Variants in HKDC1 observed in about 807,000 individuals in gnomAD.
HKDC1 encodes the protein hexokinase domain containing 1, also known as hexokinase HKDC1.
In HKDC1, 66 loss-of-function variants were observed where a neutral mutation model predicts 96.6. The ratio of observed to expected loss-of-function variants is 0.68; its 90% CI spans 0.56 to 0.84. HKDC1 has a LOEUF of 0.84. Ranked by LOEUF, HKDC1 falls within the 40% of genes least tolerant of loss-of-function variation. HKDC1 has a pLI of 0.00. For missense variants in HKDC1, 1,211 were observed against 1,208.1 expected, an observed-to-expected ratio of 1.00 and a Z score of -0.04; for synonymous variants, 466 against 473.1, an observed-to-expected ratio of 0.98 and a Z score of 0.20.
In HKDC1 at chr10:69,251,763, CT is replaced by C. The variant is rs60120681; in HGVS notation, c.1836+1125del. On this transcript the variant is annotated intron_variant, in intron 12 of 17. Transcript: ENST00000354624. ...ATTATAAATGGAATTGTTTTCTTTT[CT>C]TTTTTTTTTTTTTGAGACAGAGTCT... Among the ~76,000 whole-genome samples, 468 of 140,746 alleles carry C rather than the reference CT, an allele frequency of 3.3e-3. 2 individuals carry two copies. The highest frequency in any genetic ancestry group is 7.8e-3 in the African/African-American group (301 of 38,520). 92.3% of individuals were successfully genotyped at this position (140,746 alleles called of 152,430 possible). A position where few individuals can be genotyped will look rare whatever the true frequency, so the allele number is the denominator to read the frequency against.
chr10:69,236,735 G>A (rs1843367416), intron 4 of HKDC1, among the ~76,000 whole-genome samples: 1 of 151,440 alleles, frequency 6.6e-6, no homozygotes, highest in Non-Finnish European at 1.5e-5. Flanking sequence ...AGCTGAGATG[G>A]CGCCACTGCA....
At chr10:69,264,197 CTGTGTGTGTGTG>C (rs34401681) in intron 16 of HKDC1, among the ~76,000 whole-genome samples, 2,948 of 139,514 alleles carry the variant, frequency 0.021, 80 homozygotes, top group Middle Eastern at 0.047. Flanking sequence ...AGATTTCCTT[CTGTGTGTGTGTG>C]TGTGTGTGTG....
chr10:69,251,205 C>T (rs1843638904), intron 12 of HKDC1, among the ~76,000 whole-genome samples: 1 of 150,816 alleles, frequency 6.6e-6, no homozygotes, highest in Non-Finnish European at 1.5e-5. Context: ...AGCAATTCTC[C>T]TGCCTCAGCC....
rs756197277 is a variant in HKDC1, at chr10:69,250,540, A to G, written c.1724A>G (p.Asp575Gly). Residue 575 changes from aspartate (D) to glycine (G), a missense_variant, in exon 12 of 18, where the codon GAT (aspartate) becomes GGT (glycine). Asp to Gly is a moderately conservative substitution (Grantham distance 94). Coordinates refer to ENST00000354624, the MANE Select transcript of HKDC1 (RefSeq NM_025130.4). ...CTCTCTCTCTCTCTGCAGCTCTTTG[A>G]TCACATTGTGCAGTGCATCGCCGAC... Reference protein sequence around the residue: ...IMQGTGEELFDHIVQCIADFL... With the variant: ...IMQGTGEELFGHIVQCIADFL... 2.5e-6 allele frequency: 4 copies of G among 1,614,070 alleles called. No homozygotes were observed. Among genetic ancestry groups the G allele is most frequent in the East Asian group, 4.5e-5 (2 of 44,876 alleles).
In HKDC1 at chr10:69,258,678, C is replaced by T. The variant is rs910330187; in HGVS notation, c.2033-98C>T. 4 of 1,245,968 alleles carry T rather than the reference C, an allele frequency of 3.2e-6. No homozygotes were observed. The African/African-American group carries it at 4.4e-5, about 14-fold the overall frequency. The allele number at this position is 1,245,968 out of a possible 1,614,324, so 77.2% of individuals were successfully genotyped here. Reference sequence around the variant, plus strand: ...AAGCTGGAATCGCATCCAGTTGTATCTGACTCCAAGCTTAAATTCTTATTT... The same window carrying T: ...AAGCTGGAATCGCATCCAGTTGTATTTGACTCCAAGCTTAAATTCTTATTT... On this transcript the variant is annotated intron_variant, in intron 14 of 17. Coordinates refer to ENST00000354624, the MANE Select transcript of HKDC1 (RefSeq NM_025130.4).
chr10:69,244,045 G>A lies in HKDC1; in HGVS notation c.875+680G>A, dbSNP rs546533479. The stretch of plus-strand genomic sequence containing the variant: ...AGGCACAGCCGAACTCGTCGTGTTC[G>A]CATGTCCCCCAGCCGCCTTGCTTTC... On this transcript the variant is annotated intron_variant, in intron 7 of 17. Transcript: ENST00000354624. 1.8e-3 allele frequency among the ~76,000 whole-genome samples: 267 copies of A among 152,070 alleles called. 1 individual carries two copies. The highest frequency in any genetic ancestry group is 5.8e-3 in the African/African-American group (241 of 41,488).
intron 16 of HKDC1, 112 bp downstream of exon 16, chr10:69,261,406 A>G: frequency 1.0e-6 from 1 of 988,568 alleles, no homozygotes; most frequent in Non-Finnish European, 1.5e-6. Context: ...CTGGCTGGGT[A>G]AGGGATTGCC....
At chr10:69,221,396 AG>A (rs1159098961) in intron 1 of HKDC1, among the ~76,000 whole-genome samples, 4 of 152,144 alleles carry the variant, frequency 2.6e-5, no homozygotes, top group Admixed American at 2.0e-4. Flanking sequence ...GGAGGGAACC[AG>A]GGTTCTTTCC....
intron 15 of HKDC1, among the ~76,000 whole-genome samples, 177 bp from the exon 16 acceptor site, chr10:69,260,962 C>G (rs1397481007): frequency 6.6e-6 from 1 of 152,180 alleles, no homozygotes; most frequent in Non-Finnish European, 1.5e-5. Flanking sequence ...GGGCGCTACT[C>G]TTCTCCCTGT....
At chr10:69,252,584 G>A (rs562904597) in intron 12 of HKDC1, among the ~76,000 whole-genome samples, 93 of 150,432 alleles carry the variant, frequency 6.2e-4, no homozygotes, top group African/African-American at 2.2e-3. Context: ...GGCGGAGCTT[G>A]CAGTGAGCTG....
intron 1 of HKDC1, among the ~76,000 whole-genome samples, chr10:69,221,022 C>A (rs1293418469): frequency 6.6e-6 from 1 of 152,026 alleles, no homozygotes; most frequent in Non-Finnish European, 1.5e-5. Context: ...TGGTGGCGGG[C>A]ACCTGTAATC....
At position 69,265,712 on chromosome 10, in the gene HKDC1, G is replaced by A. The variant is rs761553657; in HGVS notation, c.2500G>A (p.Gly834Ser). ...GTCCCGGCGGGCGGCCCAGCTCTGC[G>A]GTGCTGGCCTGGCCGCTATAGTGGA... Reference protein sequence around the residue: ...AVSRRAAQLCGAGLAAIVEKR... With the variant: ...AVSRRAAQLCSAGLAAIVEKR... The change falls in exon 17 of 18, where the codon GGT becomes AGT. Residue 834 changes from glycine to serine, a missense_variant. Gly to Ser is a moderately conservative substitution (Grantham distance 56). Transcript: ENST00000354624. 16 of 1,613,116 alleles carry A rather than the reference G, an allele frequency of 9.9e-6. No homozygotes were observed. Among genetic ancestry groups the A allele is most frequent in the African/African-American group, 1.3e-5 (1 of 74,888 alleles).
chr10:69,262,686 T>G (rs1843826528), intron 16 of HKDC1, among the ~76,000 whole-genome samples: 2 of 152,200 alleles, frequency 1.3e-5, no homozygotes, highest in African/African-American at 4.8e-5. Context: ...AGGGGAGTTC[T>G]TATTGTTTAA....
chr10:69,247,265 T>C lies in HKDC1; in HGVS notation c.1032-95T>C, dbSNP rs1224092207. 8 of 813,850 alleles carry C rather than the reference T, an allele frequency of 9.8e-6. No homozygotes were observed. In the East Asian group the frequency reaches 1.5e-4, roughly 15 times the overall value. 50.4% of individuals were successfully genotyped at this position (813,850 alleles called of 1,614,324 possible). On this transcript the variant is annotated intron_variant, in intron 8 of 17. Transcript: ENST00000354624. ...TCTATACCATGGACCTGCCTATTAATTTTCACAATCCTGAGAGGTGGAGAA... is the reference window on the plus strand; with the variant it reads ...TCTATACCATGGACCTGCCTATTAACTTTCACAATCCTGAGAGGTGGAGAA...
In HKDC1 at chr10:69,250,364, C is replaced by G; in HGVS notation, c.1645C>G (p.Arg549Gly). 1 of 1,614,098 alleles carries G rather than the reference C, an allele frequency of 6.2e-7. No individual in the cohort carries two copies. The highest frequency in any genetic ancestry group is 8.5e-7 in the Non-Finnish European group (1 of 1,179,982). ...CCTCCTGGTGAAGATCAGAAGTGGACGGAGGTCAGTGCGAATGTACAACAA... is the reference window on the plus strand; with the variant it reads ...CCTCCTGGTGAAGATCAGAAGTGGAGGGAGGTCAGTGCGAATGTACAACAA... ...RVLLVKIRSG[R>G]RSVRMYNKIF... Residue 549 changes from arginine to glycine, a missense_variant, in exon 11 of 18, where the codon CGG (arginine) becomes GGG (glycine). By Grantham distance (125) the Arg-to-Gly change is moderately radical. Coordinates refer to ENST00000354624, the MANE Select transcript of HKDC1 (RefSeq NM_025130.4).
chr10:69,243,066 G>A, intron 6 of HKDC1, 116 bp from the exon 7 acceptor site: 1 of 1,024,958 alleles, frequency 9.8e-7, no homozygotes, highest in Non-Finnish European at 1.5e-6. Flanking sequence ...CCAGCCCCCA[G>A]GGAATGAAAA....
At chr10:69,220,711 G>A (rs1418410822) in intron 1 of HKDC1, among the ~76,000 whole-genome samples, 8 of 152,192 alleles carry the variant, frequency 5.3e-5, no homozygotes, top group African/African-American at 7.2e-5. Flanking sequence ...CACTTCACTC[G>A]GAACTTCCTG....
intron 12 of HKDC1, among the ~76,000 whole-genome samples, chr10:69,251,027 C>T (rs962057925): frequency 3.4e-5 from 5 of 148,704 alleles, no homozygotes; most frequent in Non-Finnish European, 5.9e-5. Context: ...CAGGGAATTA[C>T]AATGGGTTTT....
chr10:69,246,114 AGCTTGTCAGG>A lies in HKDC1; in HGVS notation c.912_921del (p.Glu304AspfsTer5), dbSNP rs767494949. The A allele has an allele frequency of 1.9e-6, 3 of 1,613,992 alleles. No individual in the cohort carries two copies. Among genetic ancestry groups the A allele is most frequent in the Non-Finnish European group, 2.5e-6 (3 of 1,180,010 alleles). On this transcript the variant is annotated frameshift_variant, in exon 8 of 18. Transcript: ENST00000354624. LOFTEE classifies it high-confidence loss of function. Reference sequence around the variant, plus strand: ...ATGATCAGTGGCCTGTACCTGGGGGAGCTTGTCAGGCTTATCTTGCTGAAGATGGCCAAGG... The same window carrying A: ...ATGATCAGTGGCCTGTACCTGGGGGACTTATCTTGCTGAAGATGGCCAAGG...
Sources: allele counts gnomAD v4.1 joint callset (sites outside exome capture counted in the v4.1 genomes callset), GRCh38; gene constraint gnomAD v4.1.1; transcripts MANE v1.5; gene names NCBI Gene and HGNC (gene_info 2026-07-23, HGNC 2026-07-21).